SERPINB12: variants seen among roughly 807,000 people sequenced by gnomAD.
The protein encoded by SERPINB12 is serpin B12.
In SERPINB12, 57 loss-of-function variants were observed where a neutral mutation model predicts 41.1. The observed-to-expected ratio is 1.39, with a 90% CI of 1.12 to 1.73. The LOEUF (loss-of-function observed/expected upper bound fraction) is 1.73. Ranked by LOEUF, SERPINB12 falls within the 40% of genes most tolerant of loss-of-function variation. SERPINB12 has a pLI of 0.00. For synonymous variants in SERPINB12, 180 were observed against 181.3 expected, an observed-to-expected ratio of 0.99 and a Z score of 0.06; for missense variants, 536 against 501.9, an observed-to-expected ratio of 1.07 and a Z score of -0.65.
chr18:63,565,835 A>G (rs1019247303), intron 7 of SERPINB12, among the ~76,000 whole-genome samples: 1 of 152,238 alleles, frequency 6.6e-6, no homozygotes, highest in East Asian at 1.9e-4. Context: ...CTTTAATCTC[A>G]TAGCTCTCTG....
intron 1 of SERPINB12, among the ~76,000 whole-genome samples, chr18:63,544,051 A>G (rs1030845172): frequency 9.2e-5 from 14 of 152,246 alleles, no homozygotes; most frequent in Non-Finnish European, 5.9e-5. Context: ...TTCATCATTT[A>G]AAGCAGGGAT....
chr18:63,520,937 G>A, the SERPINB12 span, among the ~76,000 whole-genome samples: 1 of 152,208 alleles, frequency 6.6e-6, no homozygotes, highest in African/African-American at 2.4e-5. Flanking sequence ...AACTAACTGT[G>A]TGTATTCAAA....
At chr18:63,564,190 T>A in intron 6 of SERPINB12, 70 bp downstream of exon 6, 2 of 1,460,438 alleles carry the variant, frequency 1.4e-6, no homozygotes, top group South Asian at 2.7e-5. Context: ...ATTTACAATA[T>A]GTATACTCGA....
chr18:63,558,493 C>T lies in SERPINB12; in HGVS notation c.303+7C>T, dbSNP rs558380041. ...AGAGCCTCTGGATCAGCAGGTGAAC[C>T]GCCACCGTAGAAAACTCTTGCCTTT... On this transcript the variant is annotated splice_region_variant and intron_variant, in intron 3 of 7. Transcript: ENST00000382768. 90 of 1,605,538 alleles carry T rather than the reference C, an allele frequency of 5.6e-5. No homozygotes were observed. The highest frequency in any genetic ancestry group is 3.3e-4 in the Admixed American group (19 of 57,698).
chr18:63,529,380 C>T, the SERPINB12 span, among the ~76,000 whole-genome samples: 1 of 152,282 alleles, frequency 6.6e-6, no homozygotes, highest in Admixed American at 6.5e-5. Context: ...CCTGTATGCA[C>T]AGCTGTGGTT....
intron 5 of SERPINB12, among the ~76,000 whole-genome samples, chr18:63,561,678 G>T (rs1157554118): frequency 1.3e-5 from 2 of 152,126 alleles, no homozygotes; most frequent in Non-Finnish European, 2.9e-5. Context: ...AGAAAATGTG[G>T]TACATATACA....
chr18:63,559,013 T>TCTTTCTTTCTTTCTTTCTTA, intron 3 of SERPINB12, among the ~76,000 whole-genome samples: 1 of 58,196 alleles, frequency 1.7e-5, no homozygotes, highest in Non-Finnish European at 4.4e-5. Context: ...CTTCTTTCTT[T>TCTTTCTTTCTTTCTTTCTTA]CTTTCTTTCT....
the SERPINB12 span, among the ~76,000 whole-genome samples, chr18:63,523,538 T>C: frequency 6.6e-6 from 1 of 152,124 alleles, no homozygotes; most frequent in Non-Finnish European, 1.5e-5. Flanking sequence ...GTACACCATA[T>C]GACAGAAGAA....
the SERPINB12 span, among the ~76,000 whole-genome samples, chr18:63,532,428 G>A: frequency 2.6e-5 from 4 of 152,330 alleles, no homozygotes; most frequent in East Asian, 5.8e-4. Flanking sequence ...CTGTGGGAGT[G>A]AGGCAGAGGT....
chr18:63,533,925 A>T, the SERPINB12 span, among the ~76,000 whole-genome samples: 1 of 152,198 alleles, frequency 6.6e-6, no homozygotes, highest in Non-Finnish European at 1.5e-5. Flanking sequence ...TTACTGACTA[A>T]ATGGGAATAG....
chr18:63,527,172 C>T, the SERPINB12 span, among the ~76,000 whole-genome samples: 1 of 152,134 alleles, frequency 6.6e-6, no homozygotes, highest in Admixed American at 6.6e-5. Context: ...AACAAATTTT[C>T]CTTTGTTTGC....
At chr18:63,554,450 TAAAAC>T (rs1010561176) in intron 1 of SERPINB12, among the ~76,000 whole-genome samples, 3 of 152,216 alleles carry the variant, frequency 2.0e-5, no homozygotes, top group Non-Finnish European at 4.4e-5. Context: ...GGGAAAGTGT[TAAAAC>T]AAATTACACC....
chr18:63,529,934 A>T, the SERPINB12 span, among the ~76,000 whole-genome samples: 1 of 152,104 alleles, frequency 6.6e-6, no homozygotes, highest in Non-Finnish European at 1.5e-5. Flanking sequence ...CCTTCCCATG[A>T]CAATTAAAAA....
chr18:63,550,722 T>A (rs1477479414), intron 1 of SERPINB12, among the ~76,000 whole-genome samples: 1 of 152,170 alleles, frequency 6.6e-6, no homozygotes, highest in Non-Finnish European at 1.5e-5. Context: ...TTCCCAACTC[T>A]GGGTACAATG....
At chr18:63,536,668 C>G in the SERPINB12 span, among the ~76,000 whole-genome samples, 1 of 152,124 alleles carries the variant, frequency 6.6e-6, no homozygotes, top group Non-Finnish European at 1.5e-5. Flanking sequence ...TTAGATTGGA[C>G]AGAACGATGA....
At chr18:63,527,071 T>A in the SERPINB12 span, among the ~76,000 whole-genome samples, 1 of 152,204 alleles carries the variant, frequency 6.6e-6, no homozygotes, top group East Asian at 1.9e-4. Flanking sequence ...TGTGGTCGGT[T>A]GTTGACTGAA....
intron 6 of SERPINB12, 91 bp downstream of exon 6, chr18:63,564,211 C>T: frequency 2.3e-6 from 3 of 1,328,930 alleles, no homozygotes; most frequent in Middle Eastern, 1.9e-4. Flanking sequence ...AAAGTTACAG[C>T]TTACATTTAC....
rs757196138 is a variant in SERPINB12, at chr18:63,566,865, C to T, written c.1132C>T (p.Gln378Ter). Reference sequence around the variant, plus strand: ...TGTGGAGGTGGATGAAAACGGTACCCAGGCAGCTGCAGCCACTGGGGCTGT... The same window carrying T: ...TGTGGAGGTGGATGAAAACGGTACCTAGGCAGCTGCAGCCACTGGGGCTGT... The part of the protein sequence containing the change: ...TFVEVDENGT[Q>*]AAAATGAVVS... Residue 378 changes from glutamine (Q) to a stop codon, truncating the protein, a stop_gained, in exon 8 of 8, where the codon CAG becomes TAG. Coordinates refer to ENST00000382768, the MANE Select transcript of SERPINB12 (RefSeq NM_001307928.2). LOFTEE classifies it high-confidence loss of function. The T allele has an allele frequency of 1.1e-5, 18 of 1,614,134 alleles. No homozygotes were observed. In the South Asian group the frequency reaches 1.2e-4, roughly 11 times the overall value.
chr18:63,561,116 A>G lies in SERPINB12; in HGVS notation c.476A>G (p.His159Arg), dbSNP rs762069496. The G allele has an allele frequency of 4.7e-5, 75 of 1,612,510 alleles. No individual in the cohort carries two copies. The highest frequency in any genetic ancestry group is 6.1e-5 in the Non-Finnish European group (72 of 1,178,758). ...TTAGATGGTGTGATTCAATTTTACC[A>G]CACGACGATTGAAAGTGTTGATTTC... ...EYLDGVIQFY[H>R]TTIESVDFQK... Residue 159 changes from histidine to arginine, a missense_variant, in exon 5 of 8, where the codon CAC (histidine) becomes CGC (arginine). By Grantham distance (29) the His-to-Arg change is conservative. Transcript: ENST00000382768.
Sources: gnomAD v4.1 joint callset for allele counts (sites outside exome capture counted in the v4.1 genomes callset) on GRCh38, gnomAD v4.1.1 for gene constraint, MANE v1.5 for transcripts, NCBI Gene and HGNC (gene_info 2026-07-23, HGNC 2026-07-21) for gene names.